TRIP11: variants seen among roughly 807,000 people sequenced by gnomAD.
The protein encoded by TRIP11 is thyroid receptor-interacting protein 11.
TRIP11 carries 148 observed loss-of-function variants against 223.1 expected under a neutral mutation model. The observed-to-expected ratio is 0.66, with a 90% CI of 0.58 to 0.76. TRIP11 has a LOEUF of 0.76. TRIP11 is among the 30% of genes least tolerant of loss of function. The pLI is 0.00. For missense variants in TRIP11, 2,043 were observed against 2,222.0 expected (o/e 0.92, Z 1.62); for synonymous variants, 762 against 772.6 (o/e 0.99, Z 0.23).
rs1485110447 is a variant in TRIP11, at chr14:92,005,386, G to C, written c.2590C>G (p.His864Asp). 6.2e-7 allele frequency: 1 copy of C among 1,614,132 alleles called. No individual in the cohort carries two copies. Among genetic ancestry groups the C allele is most frequent in the Non-Finnish European group, 8.5e-7 (1 of 1,180,034 alleles). Residue 864 changes from histidine to aspartate, a missense_variant, in exon 11 of 21, where the codon CAT becomes GAT. Coordinates refer to ENST00000267622, the MANE Select transcript of TRIP11 (RefSeq NM_004239.4). ...AGTCGTTCCAATTCTTCTTGCAGAT[G>C]ATTATTTTCCTCTTTCATGGATCCA... ...SLGSMKEENN[H>D]LQEELERLRE... is the part of the protein sequence containing the mutation.
At chr14:91,985,977 A>T (rs2140095183) in intron 16 of TRIP11, among the ~76,000 whole-genome samples, 1 of 152,372 alleles carries the variant, frequency 6.6e-6, no homozygotes. Flanking sequence ...ATAAGAAAAC[A>T]GATTGTTAAG....
chr14:91,980,118 C>T (rs1018436794), intron 16 of TRIP11, among the ~76,000 whole-genome samples: 1 of 152,114 alleles, frequency 6.6e-6, no homozygotes, highest in African/African-American at 2.4e-5. Context: ...TTCTCTGGAA[C>T]ACCTAGACAT....
intron 16 of TRIP11, among the ~76,000 whole-genome samples, chr14:91,986,230 T>C (rs1413188568): frequency 1.3e-5 from 2 of 152,220 alleles, no homozygotes; most frequent in Non-Finnish European, 2.9e-5. Context: ...CAAGAACATC[T>C]GAAAATATTC....
rs2056855534 is a variant in TRIP11, at chr14:92,003,557, C to T, written c.4419G>A (p.Arg1473=). Residue 1473 remains arginine, a synonymous_variant, in exon 11 of 21, where the codon AGG becomes AGA. Coordinates refer to ENST00000267622, the MANE Select transcript of TRIP11 (RefSeq NM_004239.4). ...ACGCTTGATATTCTGTTTCCTTTCC[C>T]CTGTATGTTTCCACTATTTTTTCAT... is the stretch of plus-strand genomic sequence containing the variant. The part of the protein sequence containing the change: ...GENEKIVETY[R]GKETEYQALQ... The T allele has an allele frequency of 6.2e-7, 1 of 1,613,996 alleles. No homozygotes were observed. Among genetic ancestry groups the T allele is most frequent in the African/African-American group, 1.3e-5 (1 of 74,914 alleles).
chr14:91,986,325 T>C lies in TRIP11; in HGVS notation c.5260+1959A>G, dbSNP rs376209560. ...TACCCAAAATGCTTGGAACCAGAAG[T>C]GTTTCAGATTTTGGATTTTTCAGAC... On this transcript the variant is annotated intron_variant, in intron 16 of 20. Transcript: ENST00000267622. Among the ~76,000 whole-genome samples, 35 of 152,242 alleles carry C rather than the reference T, an allele frequency of 2.3e-4. No homozygotes were observed. The East Asian group carries it at 2.5e-3, about 11-fold the overall frequency.
intron 13 of TRIP11, 76 bp from the exon 14 acceptor site, chr14:91,995,591 C>CT: frequency 7.2e-7 from 1 of 1,383,914 alleles, no homozygotes; most frequent in South Asian, 1.3e-5. Context: ...ACCTTCCCTA[C>CT]ATCTTATTAC....
rs773312108 is a variant in TRIP11 at position 92,006,034 on chromosome 14, CTCTT to C, written c.1938_1941del (p.Arg647LysfsTer7). The C allele has an allele frequency of 9.6e-5, 152 of 1,584,672 alleles. No homozygotes were observed. Among genetic ancestry groups the C allele is most frequent in the Non-Finnish European group, 1.2e-4 (146 of 1,170,080 alleles). ...TGCTTTAAGTTTCTAACTTCAGCTT[CTCTT>C]TCTTTAAGTAAGGTATCCTTAAAAT... On this transcript the variant is annotated frameshift_variant, in exon 11 of 21. Transcript: ENST00000267622. LOFTEE classifies it high-confidence loss of function.
At chr14:91,988,188 T>C (rs1291103927) in intron 16 of TRIP11, 96 bp downstream of exon 16, 2 of 873,752 alleles carry the variant, frequency 2.3e-6, no homozygotes. Context: ...ATCAATGAAG[T>C]TGGTCTCACT....
intron 14 of TRIP11, 138 bp downstream of exon 14, chr14:91,995,214 G>T: frequency 3.4e-6 from 3 of 890,426 alleles, no homozygotes; most frequent in South Asian, 3.0e-5. Flanking sequence ...ACTTTTTGAT[G>T]GCTACTCACC....
In TRIP11 at chr14:92,003,520, T is replaced by TA; in HGVS notation, c.4455dup (p.Asn1486Ter). The TA allele has an allele frequency of 1.2e-6, 2 of 1,614,142 alleles. No homozygotes were observed. The highest frequency in any genetic ancestry group is 1.7e-6 in the Non-Finnish European group (2 of 1,180,012). ...CGCAGCATCATAGAAAACTTCATGT[T>TA]AGTCTCTTGTAACGCTTGATATTCT... On this transcript the variant is annotated frameshift_variant, in exon 11 of 21. Transcript: ENST00000267622. LOFTEE classifies it high-confidence loss of function.
chr14:92,039,743 G>C lies in TRIP11; in HGVS notation c.-58C>G. 6.4e-7 allele frequency: 1 copy of C among 1,570,440 alleles called. No individual in the cohort carries two copies. The highest frequency in any genetic ancestry group is 2.3e-5 in the East Asian group (1 of 43,038). On this transcript the variant is annotated 5_prime_UTR_variant, in exon 1 of 21. Coordinates refer to ENST00000267622, the MANE Select transcript of TRIP11 (RefSeq NM_004239.4). Reference sequence around the variant, plus strand: ...CGGAAAAAAGAAAACGTTTAGCGCCGCCGGGCGATCCGACCAAATATCCTT... The same window carrying C: ...CGGAAAAAAGAAAACGTTTAGCGCCCCCGGGCGATCCGACCAAATATCCTT...
chr14:92,005,926 AAACT>A lies in TRIP11; in HGVS notation c.2046_2049del (p.Leu682PhefsTer2). On this transcript the variant is annotated frameshift_variant, in exon 11 of 21. Coordinates refer to ENST00000267622, the MANE Select transcript of TRIP11 (RefSeq NM_004239.4). LOFTEE classifies it high-confidence loss of function. ...TGATGCCTCACATCTTCACATGCTA[AAACT>A]AACTTTTCATTTTCCATTTTGACAT... 2 of 1,613,784 alleles carry A rather than the reference AAACT, an allele frequency of 1.2e-6. No homozygotes were observed. The highest frequency in any genetic ancestry group is 8.5e-7 in the Non-Finnish European group (1 of 1,179,986).
intron 3 of TRIP11, among the ~76,000 whole-genome samples, chr14:92,023,385 T>C (rs538765959): frequency 1.3e-5 from 2 of 152,336 alleles, no homozygotes; most frequent in South Asian, 4.1e-4. Flanking sequence ...AAACACAAAA[T>C]TCATTTATGT....
chr14:91,995,980 C>T (rs576536006), intron 13 of TRIP11, among the ~76,000 whole-genome samples: 2 of 152,200 alleles, frequency 1.3e-5, no homozygotes, highest in East Asian at 3.9e-4. Context: ...ATGAAACATC[C>T]TACATTTTTT....
chr14:91,969,351 C>A lies in TRIP11; in HGVS notation c.*322G>T. 2.8e-6 allele frequency: 1 copy of A among 354,000 alleles called. No homozygotes were observed. The highest frequency in any genetic ancestry group is 5.2e-6 in the Non-Finnish European group (1 of 191,680). The allele number at this position is 354,000 out of a possible 1,614,324, so 21.9% of individuals were successfully genotyped here. On this transcript the variant is annotated 3_prime_UTR_variant, in exon 21 of 21. Coordinates refer to ENST00000267622, the MANE Select transcript of TRIP11 (RefSeq NM_004239.4). ...CTAGCTTAAATGAGCTTGGAAATCACAAAAGGAAATAAAAAGCTGCCATAT... is the reference window on the plus strand; with the variant it reads ...CTAGCTTAAATGAGCTTGGAAATCAAAAAAGGAAATAAAAAGCTGCCATAT...
chr14:92,010,055 C>T (rs945802289), intron 9 of TRIP11, among the ~76,000 whole-genome samples: 10 of 152,196 alleles, frequency 6.6e-5, no homozygotes, highest in Non-Finnish European at 1.0e-4. Context: ...CTTAATAATA[C>T]TAGCTTACAA....
In TRIP11 at chr14:92,006,081, T is replaced by C. The variant is rs2056898612; in HGVS notation, c.1895A>G (p.Asn632Ser). Residue 632 changes from asparagine to serine, a missense_variant, in exon 11 of 21, where the codon AAT becomes AGT. By Grantham distance (46) the Asn-to-Ser change is conservative. Transcript: ENST00000267622. ...CTTAAAATTACTATTAGAGTCTTGA[T>C]TTAGAGACTGCATTAACTCATTCCT... ...RIRNELMQSL[N>S]QDSNSNFKDT... The C allele has an allele frequency of 6.3e-7, 1 of 1,592,214 alleles. No individual in the cohort carries two copies. Among genetic ancestry groups the C allele is most frequent in the Non-Finnish European group, 8.5e-7 (1 of 1,172,578 alleles).
chr14:92,039,699 G>C lies in TRIP11; in HGVS notation c.-14C>G, dbSNP rs757618625. The C allele has an allele frequency of 5.3e-5, 85 of 1,610,012 alleles. No individual in the cohort carries two copies. The highest frequency in any genetic ancestry group is 7.2e-5 in the Non-Finnish European group (85 of 1,178,298). ...CCAGGACGACATCGCGGCGAGTTTA[G>C]AGAACGACCCGGTCCGCTCGGAAAA... On this transcript the variant is annotated 5_prime_UTR_variant, in exon 1 of 21. Coordinates refer to ENST00000267622, the MANE Select transcript of TRIP11 (RefSeq NM_004239.4).
At chr14:91,973,764 C>T (rs2056428302) in intron 19 of TRIP11, among the ~76,000 whole-genome samples, 4 of 152,190 alleles carry the variant, frequency 2.6e-5, no homozygotes, top group Admixed American at 1.3e-4. Flanking sequence ...CAGTGGCTCA[C>T]GCCTGTAACC....
Sources: gnomAD v4.1 joint callset for allele counts (sites outside exome capture counted in the v4.1 genomes callset) on GRCh38, gnomAD v4.1.1 for gene constraint, MANE v1.5 for transcripts, NCBI Gene and HGNC (gene_info 2026-07-23, HGNC 2026-07-21) for gene names.